The following ATXN1 variants were observed in gnomAD, a reference collection of about 807,000 sequenced individuals.
The protein encoded by ATXN1 is ataxin-1.
ATXN1 carries 8 observed loss-of-function variants against 56.4 expected under a neutral mutation model. That is an observed-to-expected ratio of 0.14 (90% CI 0.08 to 0.26). ATXN1 has a LOEUF of 0.26. ATXN1 is among the 10% of genes least tolerant of loss of function. The pLI is 1.00. For synonymous variants in ATXN1, 514 were observed against 494.6 expected (o/e 1.04, Z -0.52); for missense variants, 987 against 1,106.5 (o/e 0.89, Z 1.53).
At chr6:16,310,064 C>A (rs928246893) in intron 7 of ATXN1, among the ~76,000 whole-genome samples, 5 of 136,652 alleles carry the variant, frequency 3.7e-5, no homozygotes, top group African/African-American at 1.5e-4. Flanking sequence ...AATAGAGAAA[C>A]TCCATTAAAA....
Position 16,358,016 on chromosome 6 carries a change from G to A in ATXN1, c.-160-29546C>T, listed in dbSNP as rs557084007. On this transcript the variant is annotated intron_variant, in intron 6 of 7. Transcript: ENST00000436367. Reference sequence around the variant, plus strand: ...GGTGACAGAAGCAGCACCAGTACCCGGGAGGGAAGCTGACACTGGGAGAAA... The same window carrying A: ...GGTGACAGAAGCAGCACCAGTACCCAGGAGGGAAGCTGACACTGGGAGAAA... 5.9e-5 allele frequency among the ~76,000 whole-genome samples: 9 copies of A among 152,286 alleles called. No homozygotes were observed. In the South Asian group the frequency reaches 8.3e-4, roughly 14 times the overall value.
chr6:16,421,044 C>A (rs1759021990), intron 6 of ATXN1, among the ~76,000 whole-genome samples: 1 of 152,230 alleles, frequency 6.6e-6, no homozygotes, highest in Non-Finnish European at 1.5e-5. Flanking sequence ...CTGGCACTCG[C>A]CTTTGTGATT....
At chr6:16,403,082 GTGTA>G (rs1323546281) in intron 6 of ATXN1, among the ~76,000 whole-genome samples, 4 of 151,998 alleles carry the variant, frequency 2.6e-5, no homozygotes, top group African/African-American at 9.7e-5. Flanking sequence ...AGATGTGCAC[GTGTA>G]TGTATGTATG....
At chr6:16,696,575 G>C (rs1467768439) in intron 2 of ATXN1, among the ~76,000 whole-genome samples, 1 of 152,074 alleles carries the variant, frequency 6.6e-6, no homozygotes, top group Non-Finnish European at 1.5e-5. Context: ...ATACTATCTG[G>C]AAGCAGTTAT....
intron 6 of ATXN1, among the ~76,000 whole-genome samples, chr6:16,347,682 C>A (rs1561861809): frequency 1.3e-5 from 2 of 152,036 alleles, no homozygotes; most frequent in Non-Finnish European, 2.9e-5. Flanking sequence ...TCTAGTGGGG[C>A]CCTGGAGAAC....
chr6:16,694,783 C>G (rs1759126151), intron 2 of ATXN1, among the ~76,000 whole-genome samples: 1 of 152,198 alleles, frequency 6.6e-6, no homozygotes, highest in South Asian at 2.1e-4. Flanking sequence ...TCTCCAGTGA[C>G]AGAGGTTTCA....
chr6:16,345,756 C>T (rs982627750), intron 6 of ATXN1, among the ~76,000 whole-genome samples: 6 of 152,116 alleles, frequency 3.9e-5, no homozygotes, highest in Non-Finnish European at 7.4e-5. Flanking sequence ...TGGGATGACT[C>T]GCTACCTGCA....
intron 5 of ATXN1, among the ~76,000 whole-genome samples, chr6:16,493,725 A>C (rs1285008602): frequency 1.3e-5 from 2 of 152,180 alleles, no homozygotes; most frequent in Non-Finnish European, 2.9e-5. Context: ...AAGACGTTAT[A>C]TGTCTTTGAG....
chr6:16,661,201 T>C (rs940864201), intron 2 of ATXN1, among the ~76,000 whole-genome samples: 1 of 152,126 alleles, frequency 6.6e-6, no homozygotes, highest in African/African-American at 2.4e-5. Context: ...TCGAAAGAGA[T>C]TGCTATCTTA....
At position 16,533,841 on chromosome 6, in the gene ATXN1, C is replaced by A. The variant is rs141865485; in HGVS notation, c.-360-11153G>T. 7.2e-5 allele frequency among the ~76,000 whole-genome samples: 11 copies of A among 152,210 alleles called. No homozygotes were observed. The East Asian group carries it at 2.1e-3, about 29-fold the overall frequency. On this transcript the variant is annotated intron_variant, in intron 4 of 7. Transcript: ENST00000436367. Reference sequence around the variant, plus strand: ...ATAACACTTAACACCATATACCATGCACAAGAGGTGACTTCATGGAAACTG... The same window carrying A: ...ATAACACTTAACACCATATACCATGAACAAGAGGTGACTTCATGGAAACTG...
At chr6:16,346,957 C>T (rs1250010800) in intron 6 of ATXN1, among the ~76,000 whole-genome samples, 1 of 152,232 alleles carries the variant, frequency 6.6e-6, no homozygotes, top group Non-Finnish European at 1.5e-5. Context: ...CTGTGGGCTC[C>T]GTGGGCCCCG....
intron 2 of ATXN1, among the ~76,000 whole-genome samples, chr6:16,679,673 CAAGA>C (rs1027063901): frequency 3.3e-5 from 5 of 152,158 alleles, no homozygotes; most frequent in Admixed American, 1.3e-4. Flanking sequence ...GGTTAGACTA[CAAGA>C]AAGAACTCAA....
intron 7 of ATXN1, among the ~76,000 whole-genome samples, chr6:16,309,295 G>A (rs1581679915): frequency 1.3e-5 from 2 of 151,006 alleles, no homozygotes; most frequent in African/African-American, 4.9e-5. Context: ...TATGAGAATT[G>A]TAGAATTAAA....
chr6:16,395,786 G>C (rs1343658673), intron 6 of ATXN1, among the ~76,000 whole-genome samples: 1 of 152,134 alleles, frequency 6.6e-6, no homozygotes, highest in Admixed American at 6.5e-5. Flanking sequence ...GGGAGGCCAA[G>C]GTGGGCAGAT....
chr6:16,741,660 T>C (rs1760343498), intron 2 of ATXN1, among the ~76,000 whole-genome samples: 2 of 152,294 alleles, frequency 1.3e-5, no homozygotes, highest in African/African-American at 2.4e-5. Context: ...GACTTAAAGA[T>C]GATATGAACT....
intron 3 of ATXN1, among the ~76,000 whole-genome samples, chr6:16,597,368 C>A (rs1762833967): frequency 6.6e-6 from 1 of 152,162 alleles, no homozygotes; most frequent in Non-Finnish European, 1.5e-5. Flanking sequence ...CAGGAAAATG[C>A]TGCTTCACAT....
intron 6 of ATXN1, among the ~76,000 whole-genome samples, chr6:16,434,104 G>A (rs1759341685): frequency 6.6e-6 from 1 of 152,080 alleles, no homozygotes; most frequent in Admixed American, 6.5e-5. Context: ...ATATTTGTGG[G>A]TTCATCCTTC....
At chr6:16,542,881 A>G (rs1339415967) in intron 4 of ATXN1, among the ~76,000 whole-genome samples, 1 of 152,240 alleles carries the variant, frequency 6.6e-6, no homozygotes, top group Non-Finnish European at 1.5e-5. Context: ...ATTATACTGT[A>G]CTAAAAGTTA....
intron 5 of ATXN1, among the ~76,000 whole-genome samples, chr6:16,492,376 T>C (rs1760684712): frequency 6.6e-6 from 1 of 152,052 alleles, no homozygotes; most frequent in South Asian, 2.1e-4. Flanking sequence ...TATACATATG[T>C]AACTAACCTG....
Sources: gnomAD v4.1 joint callset for allele counts (sites outside exome capture counted in the v4.1 genomes callset) on GRCh38, gnomAD v4.1.1 for gene constraint, MANE v1.5 for transcripts, NCBI Gene and HGNC (gene_info 2026-07-23, HGNC 2026-07-21) for gene names.